Variants in PHF21A observed in about 807,000 individuals in gnomAD.
PHF21A encodes BHC80a.
Under a neutral mutation model 82.5 loss-of-function variants are expected in PHF21A, and 11 were observed. The ratio of observed to expected loss-of-function variants is 0.13; its 90% CI spans 0.08 to 0.22. The LOEUF (loss-of-function observed/expected upper bound fraction) is 0.22, where lower values mean the gene tolerates loss of function less well. PHF21A is among the 10% of genes least tolerant of loss of function. The pLI is 1.00. For missense variants in PHF21A, 579 were observed against 837.8 expected, an observed-to-expected ratio of 0.69 and a Z score of 3.81; for synonymous variants, 297 against 302.8, an observed-to-expected ratio of 0.98 and a Z score of 0.20.
At chr11:45,945,323 A>G (rs998674264) in intron 15 of PHF21A, among the ~76,000 whole-genome samples, 5 of 152,226 alleles carry the variant, frequency 3.3e-5, no homozygotes, top group Admixed American at 2.6e-4. Flanking sequence ...GCTACTAAGT[A>G]TTTGACAGTT....
intron 7 of PHF21A, among the ~76,000 whole-genome samples, chr11:45,973,814 G>A (rs566593175): frequency 2.6e-4 from 40 of 152,282 alleles, no homozygotes; most frequent in Middle Eastern, 6.8e-3. Flanking sequence ...CAGTGCTATC[G>A]TGGATTGTGG....
At chr11:46,074,159 T>C (rs1320425469) in intron 6 of PHF21A, among the ~76,000 whole-genome samples, 1 of 151,752 alleles carries the variant, frequency 6.6e-6, no homozygotes, top group East Asian at 1.9e-4. Flanking sequence ...CTTTTTTTAA[T>C]AAAACAAAAG....
At chr11:46,102,066 C>A (rs969432639) in intron 1 of PHF21A, among the ~76,000 whole-genome samples, 1 of 152,072 alleles carries the variant, frequency 6.6e-6, no homozygotes, top group African/African-American at 2.4e-5. Flanking sequence ...TCATGTTGGC[C>A]AGGATGGTCT....
intron 10 of PHF21A, among the ~76,000 whole-genome samples, chr11:45,964,200 A>AAATAATAATAATAATAATAATAATAAT (rs58644528): frequency 8.2e-5 from 11 of 134,622 alleles, no homozygotes; most frequent in South Asian, 2.5e-4. Flanking sequence ...CTCCATCTCA[A>AAATAATAATAATAATAATAATAATAAT]AATAATAATA....
intron 6 of PHF21A, among the ~76,000 whole-genome samples, chr11:45,995,697 GA>G (rs2094884242): frequency 6.6e-6 from 1 of 152,168 alleles, no homozygotes; most frequent in Non-Finnish European, 1.5e-5. Flanking sequence ...GTAACAAAAG[GA>G]AGACTTTAAT....
chr11:45,940,673 G>A (rs2090179523), intron 15 of PHF21A, among the ~76,000 whole-genome samples: 1 of 81,280 alleles, frequency 1.2e-5, no homozygotes, highest in African/African-American at 4.0e-5. Flanking sequence ...TCAGGCTGAG[G>A]GCTACTCTTT....
At chr11:45,963,682 CA>C (rs889976088) in intron 10 of PHF21A, among the ~76,000 whole-genome samples, 2 of 151,676 alleles carry the variant, frequency 1.3e-5, no homozygotes, top group African/African-American at 2.4e-5. Context: ...ATATCTTTAT[CA>C]AAAAAAGAGG....
intron 7 of PHF21A, among the ~76,000 whole-genome samples, chr11:45,975,467 C>A (rs1406142770): frequency 1.3e-5 from 2 of 152,022 alleles, no homozygotes; most frequent in African/African-American, 4.8e-5. Flanking sequence ...ACTTCCACAT[C>A]TGTTTTATAT....
At chr11:46,104,118 A>C (rs1281418259) in intron 1 of PHF21A, among the ~76,000 whole-genome samples, 1 of 152,226 alleles carries the variant, frequency 6.6e-6, no homozygotes, top group Non-Finnish European at 1.5e-5. Flanking sequence ...CACAAAGGCA[A>C]AATGCCCAAA....
chr11:46,013,468 C>T (rs974702096), intron 6 of PHF21A, among the ~76,000 whole-genome samples: 1 of 152,124 alleles, frequency 6.6e-6, no homozygotes, highest in Non-Finnish European at 1.5e-5. Flanking sequence ...TTTTGGGCCT[C>T]AGCTGACCGT....
Position 45,991,183 on chromosome 11 carries a change from G to C in PHF21A, c.154-11217C>G, listed in dbSNP as rs764380998. Among the ~76,000 whole-genome samples, 3 of 152,160 alleles carry C rather than the reference G, an allele frequency of 2.0e-5. No individual in the cohort carries two copies. In the South Asian group the frequency reaches 6.2e-4, roughly 32 times the overall value. On this transcript the variant is annotated intron_variant, in intron 6 of 18. Transcript: ENST00000676320. ...TTTCACTCAGTAATAAGCATGTAAG[G>C]TTCTTCTATGTTTTTCATGGTTTGA... is the stretch of plus-strand genomic sequence containing the variant.
chr11:46,066,769 G>A (rs768607195), intron 6 of PHF21A, among the ~76,000 whole-genome samples: 1 of 152,076 alleles, frequency 6.6e-6, no homozygotes, highest in Non-Finnish European at 1.5e-5. Flanking sequence ...AGTTAAACGT[G>A]CTAGCTCTCT....
At chr11:45,971,511 C>T in intron 7 of PHF21A, 144 bp from the exon 8 acceptor site, 2 of 780,222 alleles carry the variant, frequency 2.6e-6, no homozygotes, top group Non-Finnish European at 4.0e-6. Flanking sequence ...AACAACATTT[C>T]TTTTGTGTAC....
chr11:46,102,885 C>T (rs986598759), intron 1 of PHF21A, among the ~76,000 whole-genome samples: 3 of 152,104 alleles, frequency 2.0e-5, no homozygotes, highest in Non-Finnish European at 4.4e-5. Context: ...ATAATTACAA[C>T]AGTGTTTTGT....
intron 11 of PHF21A, among the ~76,000 whole-genome samples, chr11:45,950,727 G>C (rs955142827): frequency 1.1e-4 from 17 of 152,024 alleles, no homozygotes; most frequent in African/African-American, 4.1e-4. Context: ...TGTGTGATCC[G>C]AGTGACCCGC....
At chr11:46,073,717 C>G (rs548427802) in intron 6 of PHF21A, among the ~76,000 whole-genome samples, 15 of 152,264 alleles carry the variant, frequency 9.9e-5, no homozygotes, top group African/African-American at 3.6e-4. Flanking sequence ...AGAGCACATT[C>G]CTGTATCATT....
At chr11:46,004,554 G>A (rs193052497) in intron 6 of PHF21A, among the ~76,000 whole-genome samples, 20 of 152,266 alleles carry the variant, frequency 1.3e-4, no homozygotes, top group Admixed American at 1.0e-3. Flanking sequence ...CAGTAGCTAT[G>A]ACAGAATATT....
chr11:45,953,115 C>A (rs1439946548), intron 11 of PHF21A, among the ~76,000 whole-genome samples: 1 of 152,118 alleles, frequency 6.6e-6, no homozygotes, highest in Non-Finnish European at 1.5e-5. Flanking sequence ...TTAACAACTG[C>A]AATTGATAAT....
At chr11:45,938,001 C>CA (rs1258838571) in intron 16 of PHF21A, among the ~76,000 whole-genome samples, 156 bp downstream of exon 16, 1 of 152,226 alleles carries the variant, frequency 6.6e-6, no homozygotes, top group African/African-American at 2.4e-5. Context: ...GAATGAAGGC[C>CA]ATGCGCCTGC....
Sources: gnomAD v4.1 joint callset for allele counts (sites outside exome capture counted in the v4.1 genomes callset) on GRCh38, gnomAD v4.1.1 for gene constraint, MANE v1.5 for transcripts, NCBI Gene and HGNC (gene_info 2026-07-23, HGNC 2026-07-21) for gene names.